TRPS1: variants seen among roughly 807,000 people sequenced by gnomAD.
The protein encoded by TRPS1 is zinc finger transcription factor Trps1.
In TRPS1, 6 loss-of-function variants were observed where a neutral mutation model predicts 101.2. The observed-to-expected ratio is 0.06, with a 90% CI of 0.03 to 0.12. The LOEUF is 0.12. TRPS1 is among the 10% of genes least tolerant of loss of function. The probability of loss-of-function intolerance (pLI) is 1.00; values close to 1 mark genes in which losing one functional copy is unlikely to be tolerated. For missense variants in TRPS1, 1,363 were observed against 1,567.0 expected, an observed-to-expected ratio of 0.87 and a Z score of 2.20; for synonymous variants, 578 against 589.8, an observed-to-expected ratio of 0.98 and a Z score of 0.29.
chr8:115,481,404 C>T (rs752650428), intron 5 of TRPS1, among the ~76,000 whole-genome samples: 3 of 152,022 alleles, frequency 2.0e-5, no homozygotes, highest in East Asian at 3.9e-4. Context: ...TCAACCCCCC[C>T]CCACTCTTCT....
At chr8:115,628,794 A>G (rs745497236) in intron 1 of TRPS1, among the ~76,000 whole-genome samples, 1 of 151,824 alleles carries the variant, frequency 6.6e-6, no homozygotes, top group South Asian at 2.1e-4. Flanking sequence ...AGATGACAAG[A>G]AACCCAAGAC....
rs1392199988 is a variant in TRPS1, at chr8:115,411,704, A to ATTCTGAT, written c.*2318_*2319insATCAGAA. ...TTCAGTTTATGTGAATATTAGAGCT[A>ATTCTGAT]CGCGACAGGTGAGATCAGAATAAGG... On this transcript the variant is annotated 3_prime_UTR_variant, in exon 7 of 7. Coordinates refer to ENST00000395715, the MANE Select transcript of TRPS1 (RefSeq NM_014112.5). 1 of 152,460 alleles carries ATTCTGAT rather than the reference A, an allele frequency of 6.6e-6. No homozygotes were observed. Among genetic ancestry groups the ATTCTGAT allele is most frequent in the Non-Finnish European group, 1.5e-5 (1 of 67,998 alleles). 9.4% of individuals were successfully genotyped at this position (152,460 alleles called of 1,614,324 possible).
At chr8:115,465,193 C>A (rs1814286962) in intron 5 of TRPS1, among the ~76,000 whole-genome samples, 1 of 151,996 alleles carries the variant, frequency 6.6e-6, no homozygotes. Flanking sequence ...AAAATCTTTA[C>A]AATGTATTCT....
At chr8:115,588,898 C>G (rs1285597880) in intron 4 of TRPS1, among the ~76,000 whole-genome samples, 1 of 152,164 alleles carries the variant, frequency 6.6e-6, no homozygotes, top group East Asian at 1.9e-4. Flanking sequence ...TCTTTGCCCA[C>G]CTGCTGCTTA....
chr8:115,514,206 A>G (rs1227175802), intron 5 of TRPS1, among the ~76,000 whole-genome samples: 2 of 151,750 alleles, frequency 1.3e-5, no homozygotes, highest in African/African-American at 4.8e-5. Flanking sequence ...TTTGGAAAGA[A>G]AGAATTAAAG....
chr8:115,422,074 T>TA (rs776483485), intron 5 of TRPS1, among the ~76,000 whole-genome samples: 3 of 152,226 alleles, frequency 2.0e-5, no homozygotes, highest in African/African-American at 4.8e-5. Flanking sequence ...GTAAGCCTAT[T>TA]AAGGACAGAA....
intron 4 of TRPS1, among the ~76,000 whole-genome samples, chr8:115,598,928 G>T (rs539031988): frequency 6.6e-6 from 1 of 152,146 alleles, no homozygotes; most frequent in Non-Finnish European, 1.5e-5. Flanking sequence ...GCTACAATGT[G>T]TGTGTAACTG....
intron 5 of TRPS1, among the ~76,000 whole-genome samples, chr8:115,501,111 T>A (rs1815308528): frequency 6.6e-6 from 1 of 152,192 alleles, no homozygotes; most frequent in Non-Finnish European, 1.5e-5. Flanking sequence ...TCTTTTCTGG[T>A]TCTCATCAAA....
chr8:115,637,818 A>G (rs1253975202), intron 1 of TRPS1, among the ~76,000 whole-genome samples: 1 of 152,156 alleles, frequency 6.6e-6, no homozygotes, highest in East Asian at 1.9e-4. Context: ...ACAAAAATAG[A>G]GCTGATCAAC....
intron 5 of TRPS1, among the ~76,000 whole-genome samples, chr8:115,461,304 GATACATACATACATACATACATAC>G (rs57142241): frequency 1.3e-5 from 1 of 75,430 alleles, no homozygotes; most frequent in Non-Finnish European, 2.4e-5. Flanking sequence ...TAGATAGACA[GATACATACATACATACATACATAC>G]ATACATACAT....
In TRPS1 at chr8:115,609,471, T is replaced by C. The variant is rs112632660; in HGVS notation, c.967-4469A>G. Reference sequence around the variant, plus strand: ...GAAGAAAGCAGGAGTTCAATGCATTTTGACTGAATGAATGAACGAAGGGAG... The same window carrying C: ...GAAGAAAGCAGGAGTTCAATGCATTCTGACTGAATGAATGAACGAAGGGAG... On this transcript the variant is annotated intron_variant, in intron 3 of 6. Coordinates refer to ENST00000395715, the MANE Select transcript of TRPS1 (RefSeq NM_014112.5). Among the ~76,000 whole-genome samples the C allele has an allele frequency of 4.5e-3, 686 of 152,290 alleles. 7 individuals carry two copies. Among genetic ancestry groups the C allele is most frequent in the African/African-American group, 0.014 (599 of 41,578 alleles).
intron 1 of TRPS1, among the ~76,000 whole-genome samples, chr8:115,633,372 C>CTGG (rs1190555015): frequency 6.6e-6 from 1 of 151,968 alleles, no homozygotes; most frequent in African/African-American, 2.4e-5. Context: ...TGTGATTCTG[C>CTGG]TGGTGGTGGT....
chr8:115,624,284 T>C (rs1198651218), intron 1 of TRPS1, among the ~76,000 whole-genome samples: 1 of 151,960 alleles, frequency 6.6e-6, no homozygotes, highest in Non-Finnish European at 1.5e-5. Context: ...TACTATGAAT[T>C]GCCATTTTAG....
intron 3 of TRPS1, among the ~76,000 whole-genome samples, chr8:115,611,384 T>C (rs1483410606): frequency 6.6e-6 from 1 of 152,198 alleles, no homozygotes; most frequent in African/African-American, 2.4e-5. Flanking sequence ...AAGGTTGCTG[T>C]TTTAACACAT....
At chr8:115,599,269 G>A (rs971010579) in intron 4 of TRPS1, among the ~76,000 whole-genome samples, 6 of 151,802 alleles carry the variant, frequency 4.0e-5, no homozygotes, top group Non-Finnish European at 7.4e-5. Flanking sequence ...TTTAAGTTTC[G>A]AGAGTTATAT....
At chr8:115,606,174 A>G (rs1427190760) in intron 3 of TRPS1, among the ~76,000 whole-genome samples, 1 of 152,154 alleles carries the variant, frequency 6.6e-6, no homozygotes, top group Non-Finnish European at 1.5e-5. Context: ...CAGGCATCTC[A>G]AAATCACGTA....
At chr8:115,442,506 C>T (rs148932287) in intron 5 of TRPS1, among the ~76,000 whole-genome samples, 2 of 151,416 alleles carry the variant, frequency 1.3e-5, no homozygotes, top group African/African-American at 2.4e-5. Context: ...TTCTTGCTGG[C>T]GAACAGAGGT....
At chr8:115,422,666 C>A (rs897716971) in intron 5 of TRPS1, among the ~76,000 whole-genome samples, 14 of 152,066 alleles carry the variant, frequency 9.2e-5, no homozygotes, top group Admixed American at 4.6e-4. Flanking sequence ...GCACCCAGCC[C>A]CACATGTATT....
At chr8:115,449,138 T>G (rs1186421223) in intron 5 of TRPS1, among the ~76,000 whole-genome samples, 1 of 152,216 alleles carries the variant, frequency 6.6e-6, no homozygotes, top group Admixed American at 6.5e-5. Context: ...ATGACTAATT[T>G]CCTCTGTTAT....
Sources: allele counts gnomAD v4.1 joint callset (sites outside exome capture counted in the v4.1 genomes callset), GRCh38; gene constraint gnomAD v4.1.1; transcripts MANE v1.5; gene names NCBI Gene and HGNC (gene_info 2026-07-23, HGNC 2026-07-21).